Variants in ADGRL3 observed in about 807,000 individuals in gnomAD.
The protein encoded by ADGRL3 is calcium-independent alpha-latrotoxin receptor 3.
ADGRL3 carries 62 observed loss-of-function variants against 153.5 expected under a neutral mutation model. That is an observed-to-expected ratio of 0.40 (90% CI 0.33 to 0.50). The LOEUF is 0.50. Ranked by LOEUF, ADGRL3 falls within the 20% of genes least tolerant of loss-of-function variation. ADGRL3 has a pLI of 0.47. For synonymous variants in ADGRL3, 710 were observed against 672.5 expected, an observed-to-expected ratio of 1.06 and a Z score of -0.86; for missense variants, 1,641 against 1,859.4, an observed-to-expected ratio of 0.88 and a Z score of 2.16.
At chr4:61,798,847 C>T (rs981477052) in intron 8 of ADGRL3, among the ~76,000 whole-genome samples, 1 of 151,146 alleles carries the variant, frequency 6.6e-6, no homozygotes, top group African/African-American at 2.4e-5. Flanking sequence ...AATGCCTGAC[C>T]TCAAGTGATC....
intron 21 of ADGRL3, among the ~76,000 whole-genome samples, chr4:62,010,750 G>A (rs1034546769): frequency 1.3e-5 from 2 of 151,948 alleles, no homozygotes; most frequent in Non-Finnish European, 2.9e-5. Context: ...AATTCTTTAT[G>A]AGGTAGAACT....
chr4:61,450,309 A>G (rs2152516041), intron 2 of ADGRL3, among the ~76,000 whole-genome samples: 1 of 152,348 alleles, frequency 6.6e-6, no homozygotes, highest in Admixed American at 6.5e-5. Context: ...TAGAATATGT[A>G]CTATTATAAA....
At chr4:61,208,232 T>G (rs1414075674) in intron 1 of ADGRL3, among the ~76,000 whole-genome samples, 1 of 152,096 alleles carries the variant, frequency 6.6e-6, no homozygotes, top group African/African-American at 2.4e-5. Flanking sequence ...AGAAAGGGAC[T>G]CTGGAGTGTG....
intron 2 of ADGRL3, among the ~76,000 whole-genome samples, chr4:61,408,734 A>G (rs1436227453): frequency 6.6e-6 from 1 of 152,170 alleles, no homozygotes; most frequent in Non-Finnish European, 1.5e-5. Flanking sequence ...GCATGGTTTT[A>G]GACTAAGATT....
At chr4:61,489,185 G>A (rs949881701) in intron 2 of ADGRL3, among the ~76,000 whole-genome samples, 5 of 151,608 alleles carry the variant, frequency 3.3e-5, no homozygotes, top group Admixed American at 2.6e-4. Flanking sequence ...TGAACATTAG[G>A]GTATAGAAAA....
chr4:61,848,436 T>C (rs1040818072), intron 9 of ADGRL3, among the ~76,000 whole-genome samples: 1 of 151,902 alleles, frequency 6.6e-6, no homozygotes, highest in Admixed American at 6.6e-5. Flanking sequence ...CAAGTCCCTC[T>C]TTCCTCTGTA....
intron 17 of ADGRL3, among the ~76,000 whole-genome samples, chr4:61,979,003 C>A (rs1256863760): frequency 6.6e-6 from 1 of 152,114 alleles, no homozygotes; most frequent in Non-Finnish European, 1.5e-5. Context: ...TGTGGCTATT[C>A]ATCAGAATTC....
intron 24 of ADGRL3, among the ~76,000 whole-genome samples, chr4:62,041,390 C>G (rs986890112): frequency 2.0e-5 from 3 of 151,754 alleles, no homozygotes; most frequent in Non-Finnish European, 2.9e-5. Context: ...TGTCATTTAT[C>G]TTTCATATAT....
At chr4:61,844,575 A>AAAAAAAAAAAATATATAT (rs1554045137) in intron 9 of ADGRL3, among the ~76,000 whole-genome samples, 1 of 18,108 alleles carries the variant, frequency 5.5e-5, no homozygotes, top group Non-Finnish European at 8.4e-5. Flanking sequence ...AAAAAAAAAA[A>AAAAAAAAAAAATATATAT]ATATATATAT....
In ADGRL3 at chr4:61,354,093, A is replaced by G. The variant is rs573629918; in HGVS notation, c.-239-29031A>G. Among the ~76,000 whole-genome samples the G allele has an allele frequency of 3.7e-4, 56 of 152,296 alleles. No homozygotes were observed. The South Asian group carries it at 0.011, about 31-fold the overall frequency. On this transcript the variant is annotated intron_variant, in intron 1 of 26. Transcript: ENST00000683033. ...ACTGGTTGCTTACTATGTTCCGTGT[A>G]TTACCTCAGTGATCGACTTGTATAA...
At chr4:61,587,830 A>T (rs2098952528) in intron 5 of ADGRL3, among the ~76,000 whole-genome samples, 1 of 152,078 alleles carries the variant, frequency 6.6e-6, no homozygotes. Flanking sequence ...TGTAGGGAAA[A>T]AAAGAAGTAA....
At chr4:61,258,587 C>T (rs1172074013) in intron 1 of ADGRL3, among the ~76,000 whole-genome samples, 4 of 152,098 alleles carry the variant, frequency 2.6e-5, no homozygotes, top group African/African-American at 4.8e-5. Context: ...TAGGCACATA[C>T]GAAGTTCTCA....
chr4:61,983,805 G>A (rs766055281), intron 19 of ADGRL3, among the ~76,000 whole-genome samples: 24 of 152,240 alleles, frequency 1.6e-4, no homozygotes, highest in Middle Eastern at 3.4e-3. Context: ...TTAAAACAGC[G>A]TAATTTTTCT....
At chr4:61,236,583 A>G (rs975556703) in intron 1 of ADGRL3, among the ~76,000 whole-genome samples, 2 of 152,068 alleles carry the variant, frequency 1.3e-5, no homozygotes, top group African/African-American at 4.8e-5. Flanking sequence ...TTCTAAGGTT[A>G]TATGTATGAA....
At chr4:61,803,061 C>A (rs2097518076) in intron 8 of ADGRL3, among the ~76,000 whole-genome samples, 1 of 152,048 alleles carries the variant, frequency 6.6e-6, no homozygotes, top group South Asian at 2.1e-4. Context: ...CAGTGAGAAT[C>A]TTTAAAACAT....
chr4:61,849,493 T>C (rs1483709205), intron 9 of ADGRL3, among the ~76,000 whole-genome samples: 1 of 152,156 alleles, frequency 6.6e-6, no homozygotes, highest in Admixed American at 6.5e-5. Context: ...TATTTTTTTT[T>C]TGTGGAATAT....
In ADGRL3 at chr4:61,550,505, A is replaced by G. The variant is rs562513794; in HGVS notation, c.259+32987A>G. On this transcript the variant is annotated intron_variant, in intron 4 of 26. Transcript: ENST00000683033. ...TGTGTATATACCCCAATTGGACATG[A>G]CAATAAAATATTATGGCAAAACATA... Among the ~76,000 whole-genome samples the G allele has an allele frequency of 3.3e-5, 5 of 152,206 alleles. No homozygotes were observed. In the East Asian group the frequency reaches 9.7e-4, roughly 29 times the overall value.
chr4:61,358,806 T>G (rs2151459634), intron 1 of ADGRL3, among the ~76,000 whole-genome samples: 1 of 152,202 alleles, frequency 6.6e-6, no homozygotes, highest in Middle Eastern at 3.4e-3. Context: ...CTATATTCAC[T>G]TCCTTGGTAG....
At chr4:61,389,509 A>AT (rs2151987464) in intron 2 of ADGRL3, among the ~76,000 whole-genome samples, 1 of 152,258 alleles carries the variant, frequency 6.6e-6, no homozygotes, top group East Asian at 1.9e-4. Flanking sequence ...CCAGATGTTA[A>AT]TTTTCATCTC....
Sources: gnomAD v4.1 joint callset for allele counts (sites outside exome capture counted in the v4.1 genomes callset) on GRCh38, gnomAD v4.1.1 for gene constraint, MANE v1.5 for transcripts, NCBI Gene and HGNC (gene_info 2026-07-23, HGNC 2026-07-21) for gene names.